The following TSC22D1 variants were observed in gnomAD, a reference collection of about 807,000 sequenced individuals.
The protein encoded by TSC22D1 is TSC22 domain family member 1.
TSC22D1 carries 9 observed loss-of-function variants against 74.2 expected under a neutral mutation model. The ratio of observed to expected loss-of-function variants is 0.12; its 90% CI spans 0.07 to 0.21. The LOEUF (loss-of-function observed/expected upper bound fraction) is 0.21. Ranked by LOEUF, TSC22D1 falls within the 10% of genes least tolerant of loss-of-function variation. TSC22D1 has a pLI of 1.00. For missense variants in TSC22D1, 1,427 were observed against 1,304.7 expected (o/e 1.09, Z -1.44); for synonymous variants, 586 against 492.5 (o/e 1.19, Z -2.51).
chr13:44,453,044 T>C (rs1876278233), intron 1 of TSC22D1, among the ~76,000 whole-genome samples: 1 of 152,222 alleles, frequency 6.6e-6, no homozygotes, highest in South Asian at 2.1e-4. Flanking sequence ...TGCAGTTAAT[T>C]AGAATTTACA....
At chr13:44,563,392 T>C (rs1040144500) in intron 1 of TSC22D1, among the ~76,000 whole-genome samples, 6 of 152,212 alleles carry the variant, frequency 3.9e-5, no homozygotes, top group Non-Finnish European at 5.9e-5. Flanking sequence ...CCTTCATTCA[T>C]TAACAAATTA....
intron 1 of TSC22D1, among the ~76,000 whole-genome samples, chr13:44,444,977 C>T (rs1875519037): frequency 6.6e-6 from 1 of 152,030 alleles, no homozygotes; most frequent in Non-Finnish European, 1.5e-5. Flanking sequence ...GTAAATTCCA[C>T]TAAATATTTA....
At chr13:44,442,063 TAGA>T (rs1246552736) in intron 1 of TSC22D1, among the ~76,000 whole-genome samples, 1 of 152,238 alleles carries the variant, frequency 6.6e-6, no homozygotes. Flanking sequence ...TCTGAATGCT[TAGA>T]AGAATTCTAA....
At chr13:44,477,712 G>A (rs530565538) in intron 1 of TSC22D1, among the ~76,000 whole-genome samples, 9 of 147,734 alleles carry the variant, frequency 6.1e-5, no homozygotes, top group East Asian at 2.0e-4. Context: ...GCATGATCTC[G>A]GCTCACTGCA....
chr13:44,541,880 T>G (rs926561247), intron 1 of TSC22D1, among the ~76,000 whole-genome samples: 1 of 152,128 alleles, frequency 6.6e-6, no homozygotes, highest in Non-Finnish European at 1.5e-5. Flanking sequence ...ACATACATTT[T>G]CACAGTACCT....
intron 1 of TSC22D1, among the ~76,000 whole-genome samples, chr13:44,557,330 G>A (rs1231577063): frequency 6.6e-6 from 1 of 151,742 alleles, no homozygotes; most frequent in Non-Finnish European, 1.5e-5. Flanking sequence ...GCATGGTGGT[G>A]CACACCTGTA....
In TSC22D1 at chr13:44,573,372, T is replaced by C. The variant is rs368143182; in HGVS notation, c.2703A>G (p.Ser901=). The stretch of plus-strand genomic sequence containing the variant: ...TTTGGCTTCCAATTGCCTGAGCTAA[T>C]GATTGTGCGGAGAACTGGGTAGAAC... The part of the protein sequence containing the change: ...PLSSTQFSAQ[S]LAQAIGSQIE... The change falls in exon 1 of 3, where the codon TCA becomes TCG. Residue 901 remains serine, a synonymous_variant. Transcript: ENST00000458659. 6 of 1,614,268 alleles carry C rather than the reference T, an allele frequency of 3.7e-6. No homozygotes were observed. The African/African-American group carries it at 6.7e-5, about 18-fold the overall frequency.
chr13:44,523,978 G>T (rs1164391702), intron 1 of TSC22D1, among the ~76,000 whole-genome samples: 2 of 152,114 alleles, frequency 1.3e-5, no homozygotes, highest in East Asian at 3.9e-4. Context: ...CCATCCTCTA[G>T]AGAACAATGA....
intron 1 of TSC22D1, among the ~76,000 whole-genome samples, chr13:44,470,111 T>C (rs1242837942): frequency 3.3e-5 from 5 of 152,216 alleles, no homozygotes; most frequent in African/African-American, 9.6e-5. Context: ...GTTGCTTTCT[T>C]AGTGCTTATG....
At chr13:44,452,233 C>G (rs991921780) in intron 1 of TSC22D1, among the ~76,000 whole-genome samples, 1 of 152,100 alleles carries the variant, frequency 6.6e-6, no homozygotes, top group Admixed American at 6.6e-5. Flanking sequence ...TAAGGCAACC[C>G]CAATGTATAG....
chr13:44,513,352 T>A (rs9316087), intron 1 of TSC22D1, among the ~76,000 whole-genome samples: 2,646 of 152,326 alleles, frequency 0.017, 66 homozygotes, highest in African/African-American at 0.06. Flanking sequence ...ATCTCAAACA[T>A]GAACATACTT....
intron 1 of TSC22D1, among the ~76,000 whole-genome samples, chr13:44,525,694 A>G (rs1880513274): frequency 6.6e-6 from 1 of 152,044 alleles, no homozygotes; most frequent in Non-Finnish European, 1.5e-5. Flanking sequence ...TCAACAGCAA[A>G]TAAACACAGA....
intron 1 of TSC22D1, among the ~76,000 whole-genome samples, chr13:44,571,200 G>A (rs763994324): frequency 3.9e-5 from 6 of 152,184 alleles, no homozygotes; most frequent in Admixed American, 2.0e-4. Context: ...TACAGTGTCT[G>A]AAGACAACTT....
At chr13:44,489,652 CT>C (rs1878611174) in intron 1 of TSC22D1, among the ~76,000 whole-genome samples, 1 of 151,694 alleles carries the variant, frequency 6.6e-6, no homozygotes, top group African/African-American at 2.4e-5. Context: ...ATAGCAAGAC[CT>C]CATCTCTATA....
At position 44,558,602 on chromosome 13, in the gene TSC22D1, T is replaced by C. The variant is rs375797043; in HGVS notation, c.2912+14561A>G. On this transcript the variant is annotated intron_variant, in intron 1 of 2. Transcript: ENST00000458659. ...TAAAAATACAAAAATTAGCCGGGCA[T>C]GGTGCCACATGCCTGTAATCCCAGC... Among the ~76,000 whole-genome samples the C allele has an allele frequency of 1.6e-4, 24 of 152,200 alleles. No homozygotes were observed. In the East Asian group the frequency reaches 3.5e-3, roughly 22 times the overall value.
In TSC22D1 at chr13:44,576,193, C is replaced by G; in HGVS notation, c.-119G>C. ...TGACGCTCCGCCTGGCGCGATTCCT[C>G]CTTCTCCTCCTCCTCAGCCAAAGGC... On this transcript the variant is annotated 5_prime_UTR_variant, in exon 1 of 3. Transcript: ENST00000458659. The G allele has an allele frequency of 7.4e-7, 1 of 1,355,892 alleles. No homozygotes were observed. Among genetic ancestry groups the G allele is most frequent in the South Asian group, 1.6e-5 (1 of 64,050 alleles). 84.0% of individuals were successfully genotyped at this position (1,355,892 alleles called of 1,614,324 possible).
chr13:44,442,913 T>TC, intron 1 of TSC22D1, among the ~76,000 whole-genome samples: 1 of 10,870 alleles, frequency 9.2e-5, no homozygotes, highest in East Asian at 2.2e-3. Flanking sequence ...CGAGACTCTG[T>TC]CAAAAAAAAA....
At position 44,436,101 on chromosome 13, in the gene TSC22D1, A is replaced by T; in HGVS notation, c.2913-6T>A. ...CCACACTTGCACCAGAGGAGCTGAAAAAGAGGAGGGAAAAAGGTCATCGAT... is the reference window on the plus strand; with the variant it reads ...CCACACTTGCACCAGAGGAGCTGAATAAGAGGAGGGAAAAAGGTCATCGAT... On this transcript the variant is annotated splice_region_variant and splice_polypyrimidine_tract_variant and intron_variant, in intron 1 of 2. Coordinates refer to ENST00000458659, the MANE Select transcript of TSC22D1 (RefSeq NM_183422.4). 6.2e-7 allele frequency: 1 copy of T among 1,611,762 alleles called. No homozygotes were observed.
chr13:44,566,250 T>C (rs1324609594), intron 1 of TSC22D1, among the ~76,000 whole-genome samples: 2 of 152,164 alleles, frequency 1.3e-5, no homozygotes, highest in Admixed American at 6.6e-5. Flanking sequence ...AGATTTCGAA[T>C]TGGAAAAACA....
Sources: allele counts gnomAD v4.1 joint callset (sites outside exome capture counted in the v4.1 genomes callset), GRCh38; gene constraint gnomAD v4.1.1; transcripts MANE v1.5; gene names NCBI Gene and HGNC (gene_info 2026-07-23, HGNC 2026-07-21).